CACNA1A: variants seen among roughly 807,000 people sequenced by gnomAD.
CACNA1A encodes voltage-dependent P/Q-type calcium channel subunit alpha-1A.
A neutral mutation model predicts 262.4 loss-of-function variants in CACNA1A; 57 were observed. The ratio of observed to expected loss-of-function variants is 0.22; its 90% CI spans 0.18 to 0.27. The LOEUF (loss-of-function observed/expected upper bound fraction) is 0.27. CACNA1A is among the 10% of genes least tolerant of loss of function. CACNA1A has a pLI of 1.00. For synonymous variants in CACNA1A, 1,431 were observed against 1,419.3 expected, an observed-to-expected ratio of 1.01 and a Z score of -0.18; for missense variants, 2,526 against 3,562.8, an observed-to-expected ratio of 0.71 and a Z score of 7.41.
In CACNA1A at chr19:13,208,865, T is replaced by G. The variant is rs2144501371; in HGVS notation, c.6671A>C (p.Asp2224Ala). The G allele has an allele frequency of 7.1e-7, 1 of 1,414,144 alleles. No individual in the cohort carries two copies. Among genetic ancestry groups the G allele is most frequent in the Non-Finnish European group, 9.6e-7 (1 of 1,043,744 alleles). The allele number at this position is 1,414,144 out of a possible 1,614,324, so 87.6% of individuals were successfully genotyped here. ...CCGTTCCTGGGCATAGCGGTCCTTG[T>G]CGGGGGGCGGGGGATGGTGGTGGTG... ...HHHHHHPPPPDKDRYAQERPD... is the reference protein window; with the variant it reads ...HHHHHHPPPPAKDRYAQERPD... The change falls in exon 46 of 47, where the codon GAC (aspartate) becomes GCC (alanine). Residue 2224 changes from aspartate to alanine, a missense_variant. Around this residue, in one of 17 missense-constraint regions of CACNA1A, gnomAD observed 929 missense variants for 868.1 expected, o/e 1.07. Transcript: ENST00000360228.
intron 3 of CACNA1A, among the ~76,000 whole-genome samples, chr19:13,376,045 G>A (rs1357520560): frequency 6.6e-6 from 1 of 152,182 alleles, no homozygotes; most frequent in East Asian, 1.9e-4. Context: ...AGGTGGGGAA[G>A]TGCAGAAGAA....
chr19:13,423,631 G>A (rs2060352892), intron 3 of CACNA1A, among the ~76,000 whole-genome samples: 1 of 151,910 alleles, frequency 6.6e-6, no homozygotes, highest in African/African-American at 2.4e-5. Context: ...TCCCACCTCA[G>A]CCTCCCAAGT....
chr19:13,296,677 ACCACATC>A (rs1453448534), intron 19 of CACNA1A, among the ~76,000 whole-genome samples: 3 of 151,046 alleles, frequency 2.0e-5, no homozygotes, highest in Admixed American at 2.0e-4. Context: ...GGCATGAGCC[ACCACATC>A]CCGCTGCATC....
intron 37 of CACNA1A, chr19:13,226,022 C>T (rs1257378569): frequency 2.0e-5 from 3 of 151,788 alleles, no homozygotes; most frequent in Non-Finnish European, 2.9e-5. Context: ...TAACAGCTTC[C>T]CAGGTGATAG....
intron 3 of CACNA1A, among the ~76,000 whole-genome samples, chr19:13,442,784 T>C (rs1242045366): frequency 6.6e-6 from 1 of 152,224 alleles, no homozygotes; most frequent in Non-Finnish European, 1.5e-5. Context: ...CTTCTGCTCC[T>C]GTTTTCCCCC....
intron 43 of CACNA1A, 96 bp from the exon 44 acceptor site, chr19:13,210,748 G>T: frequency 7.8e-7 from 1 of 1,277,538 alleles, no homozygotes; most frequent in Non-Finnish European, 1.1e-6. Context: ...GGTGCATGGA[G>T]AAGAAGCCAA....
At chr19:13,336,594 G>GGAGAGAGAGGGAGAGGGA (rs1555768093) in intron 6 of CACNA1A, among the ~76,000 whole-genome samples, 1 of 65,508 alleles carries the variant, frequency 1.5e-5, no homozygotes, top group Non-Finnish European at 3.1e-5. Context: ...AGAGAGAGAG[G>GGAGAGAGAGGGAGAGGGA]GAGAGAGAGA....
intron 10 of CACNA1A, among the ~76,000 whole-genome samples, chr19:13,322,985 C>T (rs2058285871): frequency 6.6e-6 from 1 of 152,170 alleles, no homozygotes; most frequent in Admixed American, 6.5e-5. Context: ...ATAATAGCTA[C>T]TCTAGGCTGG....
At chr19:13,332,946 G>A (rs1181495095) in intron 8 of CACNA1A, 21 bp from the exon 9 acceptor site, 4 of 1,601,900 alleles carry the variant, frequency 2.5e-6, no homozygotes, top group Admixed American at 3.3e-5. Context: ...AGAGCACAGA[G>A]TTAAGCTCCT....
In CACNA1A at chr19:13,446,250, GAA is replaced by G. The variant is rs59977753; in HGVS notation, c.539+6624_539+6625del. 1.7e-3 allele frequency among the ~76,000 whole-genome samples: 153 copies of G among 90,206 alleles called. 2 individuals are homozygous for G. Among genetic ancestry groups the G allele is most frequent in the Middle Eastern group, 6.9e-3 (1 of 144 alleles). The allele number at this position is 90,206 out of a possible 152,430, so 59.2% of individuals were successfully genotyped here. ...AAATCCCACCACTGCACTCTGTCCC[GAA>G]AAAAAAAAAAAAAAAAAGGAAAGAA... On this transcript the variant is annotated intron_variant, in intron 3 of 46. Transcript: ENST00000360228.
chr19:13,363,835 A>G (rs1206272911), intron 5 of CACNA1A: 2 of 152,250 alleles, frequency 1.3e-5, no homozygotes, highest in African/African-American at 4.8e-5. Flanking sequence ...ACTGCTATTC[A>G]GTCTGTCTGC....
At chr19:13,429,986 G>A (rs1467133754) in intron 3 of CACNA1A, among the ~76,000 whole-genome samples, 1 of 124,212 alleles carries the variant, frequency 8.1e-6, no homozygotes, top group Non-Finnish European at 1.7e-5. Flanking sequence ...GGAGTAGGGT[G>A]GGGGGAGTGG....
intron 1 of CACNA1A, among the ~76,000 whole-genome samples, chr19:13,496,179 G>A (rs929907052): frequency 7.2e-5 from 11 of 152,140 alleles, no homozygotes; most frequent in Admixed American, 4.6e-4. Context: ...AAAAGACTGC[G>A]TTGTGATCAG....
At position 13,286,680 on chromosome 19, in the gene CACNA1A, T is replaced by C. The variant is rs779422999; in HGVS notation, c.3376A>G (p.Asn1126Asp). The change falls in exon 20 of 47, where the codon AAC becomes GAC. Residue 1126 changes from asparagine (N) to aspartate (D), a missense_variant. Asn to Asp is a conservative substitution (Grantham distance 23). This residue lies in a region of CACNA1A where 765 missense variants were observed against 748.6 expected (regional missense o/e 1.02). Transcript: ENST00000360228. ...GGATTGGATGGGTTCCCCGGGTTGTTGGGCGTCCGGCGGCTGGCGGCGTTC... is the reference window on the plus strand; with the variant it reads ...GGATTGGATGGGTTCCCCGGGTTGTCGGGCGTCCGGCGGCTGGCGGCGTTC... ...PQNAASRRTP[N>D]NPGNPSNPGP... 6.4e-7 allele frequency: 1 copy of C among 1,566,950 alleles called. No individual in the cohort carries two copies. The highest frequency in any genetic ancestry group is 8.7e-7 in the Non-Finnish European group (1 of 1,155,732).
chr19:13,338,129 G>A (rs1346736140), intron 6 of CACNA1A, among the ~76,000 whole-genome samples: 1 of 152,102 alleles, frequency 6.6e-6, no homozygotes, highest in East Asian at 1.9e-4. Flanking sequence ...GCAGGAGAAT[G>A]GCGTGAACCC....
At chr19:13,441,563 A>T (rs538942635) in intron 3 of CACNA1A, among the ~76,000 whole-genome samples, 40 of 148,700 alleles carry the variant, frequency 2.7e-4, no homozygotes, top group African/African-American at 8.7e-4. Context: ...GCTACTTGGG[A>T]GGCTGAGGTG....
At chr19:13,291,984 C>A (rs1277925273) in intron 19 of CACNA1A, among the ~76,000 whole-genome samples, 1 of 152,076 alleles carries the variant, frequency 6.6e-6, no homozygotes, top group South Asian at 2.1e-4. Flanking sequence ...AATTAGGATG[C>A]GAACAGCAGA....
At chr19:13,230,027 C>G (rs201008383) in intron 36 of CACNA1A, 55 bp downstream of exon 36, 6 of 1,588,588 alleles carry the variant, frequency 3.8e-6, no homozygotes, top group Non-Finnish European at 5.2e-6. Flanking sequence ...AGCCCGTGTT[C>G]CAGTTCCAGG....
intron 1 of CACNA1A, among the ~76,000 whole-genome samples, chr19:13,489,692 A>G (rs934155368): frequency 1.3e-5 from 2 of 152,122 alleles, no homozygotes; most frequent in African/African-American, 2.4e-5. Context: ...AGCACTGGCC[A>G]CCTGTTCAGG....
Sources: allele counts gnomAD v4.1 joint callset (sites outside exome capture counted in the v4.1 genomes callset), GRCh38; gene constraint gnomAD v4.1.1; regional missense constraint gnomAD v4.1.1; transcripts MANE v1.5; gene names NCBI Gene and HGNC (gene_info 2026-07-23, HGNC 2026-07-21).